BBX: variants seen among roughly 807,000 people sequenced by gnomAD.
The protein encoded by BBX is BBX high mobility group box domain containing.
Under a neutral mutation model 100.2 loss-of-function variants are expected in BBX, and 30 were observed. The ratio of observed to expected loss-of-function variants is 0.30; its 90% CI spans 0.22 to 0.41. The LOEUF (loss-of-function observed/expected upper bound fraction) is 0.41, where lower values mean the gene tolerates loss of function less well. Among genes scored for constraint, BBX ranks in the 10% least tolerant of loss-of-function variants. The pLI is 1.00. For synonymous variants in BBX, 376 were observed against 388.1 expected (o/e 0.97, Z 0.37); for missense variants, 1,023 against 1,129.8 (o/e 0.91, Z 1.35).
At chr3:107,797,948 T>C (rs2069923045) in intron 15 of BBX, among the ~76,000 whole-genome samples, 2 of 152,234 alleles carry the variant, frequency 1.3e-5, no homozygotes, top group African/African-American at 2.4e-5. Context: ...AGAGTTTCTT[T>C]CCTTGGCGTG....
In BBX at chr3:107,773,357, A is replaced by G. The variant is rs1218844729; in HGVS notation, c.1636A>G (p.Thr546Ala). The G allele has an allele frequency of 1.2e-6, 2 of 1,614,028 alleles. No individual in the cohort carries two copies. The highest frequency in any genetic ancestry group is 2.7e-5 in the African/African-American group (2 of 74,938). Residue 546 changes from threonine (T) to alanine (A), a missense_variant, in exon 11 of 18, where the codon ACC (threonine) becomes GCC (alanine). By Grantham distance (58) the Thr-to-Ala change is moderately conservative (BLOSUM62 0). Around this residue, in one of 9 missense-constraint regions of BBX, gnomAD observed 348 missense variants for 353.2 expected, o/e 0.99. Coordinates refer to ENST00000325805, the MANE Select transcript of BBX (RefSeq NM_001142568.3). The surrounding 1 kb of genome is among the most constrained non-coding windows in gnomAD (Gnocchi z 4.1). ...AATGTCAAAGGAGAAATCCTCAGAC[A>G]CCACCAAAGAGTCAAGACCTCCAGA... ...KKMSKEKSSD[T>A]TKESRPPDFI... is the part of the protein sequence containing the mutation.
At chr3:107,708,919 A>G (rs1278955922) in intron 3 of BBX, among the ~76,000 whole-genome samples, 1 of 152,100 alleles carries the variant, frequency 6.6e-6, no homozygotes, top group African/African-American at 2.4e-5. Flanking sequence ...CTGTTTATTG[A>G]TATATTTGTA....
At chr3:107,531,337 A>T (rs141951163) in intron 2 of BBX, among the ~76,000 whole-genome samples, 2 of 152,252 alleles carry the variant, frequency 1.3e-5, no homozygotes, top group African/African-American at 4.8e-5. Flanking sequence ...TGCTGCCTCT[A>T]TTGCTTATTA....
intron 12 of BBX, 96 bp downstream of exon 12, chr3:107,774,953 C>CTT: frequency 7.1e-7 from 1 of 1,400,784 alleles, no homozygotes; most frequent in Non-Finnish European, 9.6e-7. Flanking sequence ...CATGCTTGTT[C>CTT]TTTGACTACT....
At chr3:107,632,361 A>G (rs536091254) in intron 2 of BBX, among the ~76,000 whole-genome samples, 1 of 152,302 alleles carries the variant, frequency 6.6e-6, no homozygotes. Flanking sequence ...CTGGGATTAC[A>G]GGCGTGAGCT....
intron 2 of BBX, among the ~76,000 whole-genome samples, chr3:107,638,832 C>CACACAG (rs2057024478): frequency 8.9e-6 from 1 of 111,906 alleles, no homozygotes; most frequent in Non-Finnish European, 1.9e-5. Flanking sequence ...CACACACACA[C>CACACAG]AGACAAATTA....
At chr3:107,716,886 G>C (rs1042391143) in intron 5 of BBX, 37 bp downstream of exon 5, 1 of 1,602,694 alleles carries the variant, frequency 6.2e-7, no homozygotes, top group Non-Finnish European at 8.5e-7. Context: ...ATAGCTAAAA[G>C]CAACCAGTCC....
At chr3:107,621,332 G>C (rs1016022745) in intron 2 of BBX, among the ~76,000 whole-genome samples, 9 of 152,138 alleles carry the variant, frequency 5.9e-5, no homozygotes, top group Middle Eastern at 3.4e-3. Context: ...TTGTTTCTTG[G>C]GTCCCCAAAG....
intron 13 of BBX, among the ~76,000 whole-genome samples, chr3:107,780,836 G>A (rs991192471): frequency 1.3e-5 from 2 of 151,936 alleles, no homozygotes; most frequent in African/African-American, 4.8e-5. Flanking sequence ...GGACAGAGGA[G>A]ATTATTTTCT....
At chr3:107,595,576 G>C (rs1277495107) in intron 2 of BBX, among the ~76,000 whole-genome samples, 1 of 152,194 alleles carries the variant, frequency 6.6e-6, no homozygotes, top group Non-Finnish European at 1.5e-5. Flanking sequence ...GGTTGGGAAG[G>C]AGATGGATTT....
intron 7 of BBX, among the ~76,000 whole-genome samples, chr3:107,740,228 T>C (rs1483198586): frequency 6.6e-6 from 1 of 152,028 alleles, no homozygotes; most frequent in African/African-American, 2.4e-5. Context: ...GATGGAATCC[T>C]CTACCCCAAA....
chr3:107,558,274 G>T (rs1221611113), intron 2 of BBX, among the ~76,000 whole-genome samples: 2 of 152,184 alleles, frequency 1.3e-5, no homozygotes, highest in African/African-American at 4.8e-5. Context: ...ATCACCTGAG[G>T]TCAGGAGTTC....
chr3:107,773,121 C>T lies in BBX; in HGVS notation c.1400C>T (p.Ser467Phe). ...SKMDRHGNDK[S>F]TPKKTCKKRQ... ...ATGGATCGACATGGAAATGATAAAT[C>T]CACACCCAAGAAGACTTGCAAAAAG... is the stretch of plus-strand genomic sequence containing the variant. The change falls in exon 11 of 18, where the codon TCC (serine) becomes TTC (phenylalanine). Residue 467 changes from serine to phenylalanine, a missense_variant. Physicochemically the swap from Ser to Phe is radical, Grantham distance 155. This residue lies in a region of BBX where 348 missense variants were observed against 353.2 expected (regional missense o/e 0.99). Transcript: ENST00000325805. The surrounding 1 kb of genome is among the most constrained non-coding windows in gnomAD (Gnocchi z 4.1). 1 of 1,613,928 alleles carries T rather than the reference C, an allele frequency of 6.2e-7. No homozygotes were observed. Among genetic ancestry groups the T allele is most frequent in the Non-Finnish European group, 8.5e-7 (1 of 1,179,972 alleles).
intron 3 of BBX, chr3:107,646,151 T>G (rs1230264394): frequency 6.6e-6 from 1 of 152,206 alleles, no homozygotes; most frequent in East Asian, 1.9e-4. Flanking sequence ...AATCTCTGAT[T>G]CGTTTCTCCA....
At chr3:107,524,404 C>T (rs965108405) in intron 1 of BBX, 1 of 152,022 alleles carries the variant, frequency 6.6e-6, no homozygotes, top group Non-Finnish European at 1.5e-5. Flanking sequence ...CTCACTCACC[C>T]TCTGAAATTT....
intron 3 of BBX, among the ~76,000 whole-genome samples, chr3:107,647,935 G>T (rs1268527757): frequency 6.6e-6 from 1 of 152,162 alleles, no homozygotes; most frequent in Non-Finnish European, 1.5e-5. Context: ...TAACAAGGCT[G>T]CTTGGAAGTG....
At chr3:107,580,279 A>G (rs2052173637) in intron 2 of BBX, among the ~76,000 whole-genome samples, 2 of 151,716 alleles carry the variant, frequency 1.3e-5, no homozygotes, top group South Asian at 2.1e-4. Flanking sequence ...TATGTTGGCT[A>G]TTTGATTTTT....
intron 3 of BBX, among the ~76,000 whole-genome samples, chr3:107,648,398 G>C (rs1188951382): frequency 1.3e-5 from 2 of 152,000 alleles, no homozygotes; most frequent in Non-Finnish European, 2.9e-5. Context: ...TCTGTAATTT[G>C]CATACAGAAT....
At chr3:107,581,864 A>G (rs2052304630) in intron 2 of BBX, among the ~76,000 whole-genome samples, 2 of 152,266 alleles carry the variant, frequency 1.3e-5, no homozygotes, top group African/African-American at 4.8e-5. Context: ...TGTTATTATC[A>G]TTACCATTAG....
Sources: gnomAD v4.1 joint callset for allele counts (sites outside exome capture counted in the v4.1 genomes callset) on GRCh38, gnomAD v4.1.1 for gene constraint, gnomAD v4.1.1 regional missense constraint, Gnocchi (gnomAD v3.1) non-coding constraint, MANE v1.5 for transcripts, NCBI Gene and HGNC (gene_info 2026-07-23, HGNC 2026-07-21) for gene names.